The following PCDHA4 variants were observed in gnomAD, a reference collection of about 807,000 sequenced individuals.
The protein encoded by PCDHA4 is protocadherin alpha 4, also known as protocadherin alpha-4.
In PCDHA4, 49 loss-of-function variants were observed where a neutral mutation model predicts 61.4. The observed-to-expected ratio is 0.80, with a 90% confidence interval of 0.63 to 1.01. The LOEUF (loss-of-function observed/expected upper bound fraction) is 1.01, where lower values mean the gene tolerates loss of function less well. Among genes scored for constraint, PCDHA4 ranks in the 50% least tolerant of loss-of-function variants. The probability of loss-of-function intolerance (pLI) is 0.00; values close to 1 mark genes in which losing one functional copy is unlikely to be tolerated. For missense variants in PCDHA4, 1,254 were observed against 1,235.8 expected (o/e 1.01, Z -0.22); for synonymous variants, 590 against 550.3 (o/e 1.07, Z -1.01).
intron 1 of PCDHA4, chr5:140,856,054 T>G: frequency 6.3e-7 from 1 of 1,586,304 alleles, no homozygotes; most frequent in Non-Finnish European, 8.6e-7. Flanking sequence ...ATAAGATGGT[T>G]TCCAGATGTA....
At chr5:140,981,336 G>A (rs1332617891) in intron 2 of PCDHA4, among the ~76,000 whole-genome samples, 1 of 152,188 alleles carries the variant, frequency 6.6e-6, no homozygotes, top group Non-Finnish European at 1.5e-5. Context: ...CACTTTGGGA[G>A]GGTGAGGCAG....
intron 3 of PCDHA4, chr5:140,988,853 A>G (rs1216953693): frequency 1.3e-5 from 2 of 152,208 alleles, no homozygotes; most frequent in Non-Finnish European, 2.9e-5. Flanking sequence ...AAACCTATCC[A>G]GTCTCATGTG....
chr5:140,919,231 C>T (rs984376374), intron 1 of PCDHA4, among the ~76,000 whole-genome samples: 1 of 152,160 alleles, frequency 6.6e-6, no homozygotes, highest in Admixed American at 6.6e-5. Context: ...TCTAGTAACA[C>T]TTTTTGTCTT....
At chr5:140,930,527 A>G (rs73793525) in intron 1 of PCDHA4, 1 of 152,462 alleles carries the variant, frequency 6.6e-6, no homozygotes, top group Non-Finnish European at 1.5e-5. Context: ...CTGGCCCTCA[A>G]ACTTCTTGAG....
At chr5:140,882,365 T>C (rs141224516) in intron 1 of PCDHA4, 1 of 1,614,208 alleles carries the variant, frequency 6.2e-7, no homozygotes, top group Non-Finnish European at 8.5e-7. Context: ...CCAGCTCCAC[T>C]ACTCCGTCCC....
At position 140,967,061 on chromosome 5, in the gene PCDHA4, C is replaced by G. The variant is rs1554229125; in HGVS notation, c.2386-11888C>G. The G allele has an allele frequency of 1.9e-6, 3 of 1,612,886 alleles. No individual in the cohort carries two copies. The Admixed American group carries it at 5.0e-5, about 27-fold the overall frequency. On this transcript the variant is annotated intron_variant, in intron 1 of 3. Coordinates refer to ENST00000530339, the MANE Select transcript of PCDHA4 (RefSeq NM_018907.4). ...GGAGCTGGACCTGACGAGTGGAGCG[C>G]TCTTCGTCAACGAGCGCATTGATCG...
chr5:140,966,694 C>T, intron 1 of PCDHA4: 1 of 1,358,670 alleles, frequency 7.4e-7, no homozygotes, highest in Non-Finnish European at 9.5e-7. Context: ...GAGGCGGGGC[C>T]CGGGCGTGGG....
chr5:140,926,548 A>C, intron 1 of PCDHA4: 1 of 226,392 alleles, frequency 4.4e-6, no homozygotes, highest in Non-Finnish European at 8.5e-6. Flanking sequence ...GGTGGTCGAG[A>C]CCCCAGCCCG....
chr5:140,821,991 C>A (rs782271106), intron 1 of PCDHA4: 2 of 1,614,008 alleles, frequency 1.2e-6, no homozygotes, highest in Non-Finnish European at 1.7e-6. Context: ...GCCGCGGGGA[C>A]CTTCTGGAGG....
chr5:140,847,280 A>T (rs2150398686), intron 1 of PCDHA4, among the ~76,000 whole-genome samples: 1 of 149,896 alleles, frequency 6.7e-6, no homozygotes, highest in Non-Finnish European at 1.5e-5. Context: ...TTGAACGGGA[A>T]GACAAACTCA....
intron 1 of PCDHA4, among the ~76,000 whole-genome samples, chr5:140,912,634 G>A (rs1435924500): frequency 6.6e-6 from 1 of 152,016 alleles, no homozygotes; most frequent in African/African-American, 2.4e-5. Context: ...GAGACTTTCA[G>A]TACTATGTTG....
At chr5:140,838,166 T>C (rs1354444358) in intron 1 of PCDHA4, among the ~76,000 whole-genome samples, 1 of 147,660 alleles carries the variant, frequency 6.8e-6, no homozygotes, top group African/African-American at 2.5e-5. Context: ...CTCTCTGGAG[T>C]GCAGTGGTGC....
rs2150210782 is a variant in PCDHA4, at chr5:140,833,751, A to AACAC, written c.2385+24192_2385+24195dup. Among the ~76,000 whole-genome samples the AACAC allele has an allele frequency of 5.0e-4, 75 of 151,354 alleles. 1 individual carries two copies. Among genetic ancestry groups the AACAC allele is most frequent in the Middle Eastern group, 3.4e-3 (1 of 294 alleles). ...AATGTTTCTTGCCTCCTAAAAAGAA[A>AACAC]ACACACACACACACACCGCTTTCTA... On this transcript the variant is annotated intron_variant, in intron 1 of 3. Coordinates refer to ENST00000530339, the MANE Select transcript of PCDHA4 (RefSeq NM_018907.4).
intron 1 of PCDHA4, chr5:140,824,450 T>C (rs1768125809): frequency 2.2e-6 from 1 of 452,052 alleles, no homozygotes; most frequent in African/African-American, 2.0e-5. Context: ...TATGACTACA[T>C]GAAAATTTAT....
intron 1 of PCDHA4, chr5:140,927,988 G>A (rs782075633): frequency 6.2e-6 from 10 of 1,614,200 alleles, no homozygotes; most frequent in South Asian, 1.1e-5. Flanking sequence ...TAGTGTAAAG[G>A]ATGAAGACCT....
chr5:140,808,377 T>C lies in PCDHA4; in HGVS notation c.1190T>C (p.Leu397Pro). Reference sequence around the variant, plus strand: ...TTGACGTCCCACGTCCCCTTCAAGCTGGTGTCCACCTTCAAGAATTACTAC... The same window carrying C: ...TTGACGTCCCACGTCCCCTTCAAGCCGGTGTCCACCTTCAAGAATTACTAC... Reference protein sequence around the residue: ...CSLTSHVPFKLVSTFKNYYSL... With the variant: ...CSLTSHVPFKPVSTFKNYYSL... Residue 397 changes from leucine to proline, a missense_variant, in exon 1 of 4, where the codon CTG becomes CCG. Transcript: ENST00000530339. 1 of 1,614,180 alleles carries C rather than the reference T, an allele frequency of 6.2e-7. No homozygotes were observed. Among genetic ancestry groups the C allele is most frequent in the Non-Finnish European group, 8.5e-7 (1 of 1,180,048 alleles).
At chr5:140,895,677 G>T (rs1554186594) in intron 1 of PCDHA4, among the ~76,000 whole-genome samples, 2 of 151,984 alleles carry the variant, frequency 1.3e-5, no homozygotes, top group African/African-American at 4.8e-5. Flanking sequence ...GTAGTATTTG[G>T]TTTTCTGTTT....
intron 1 of PCDHA4, chr5:140,927,032 C>T: frequency 6.2e-7 from 1 of 1,612,120 alleles, no homozygotes; most frequent in Non-Finnish European, 8.5e-7. Context: ...AGGCTGCCAG[C>T]GGCCGCTATG....
chr5:140,871,657 T>A, intron 1 of PCDHA4: 1 of 1,228,196 alleles, frequency 8.1e-7, no homozygotes, highest in Non-Finnish European at 1.1e-6. Context: ...ATGATACACA[T>A]CTTCAGTCTT....
Sources: gnomAD v4.1 joint callset for allele counts (sites outside exome capture counted in the v4.1 genomes callset) on GRCh38, gnomAD v4.1.1 for gene constraint, MANE v1.5 for transcripts, NCBI Gene and HGNC (gene_info 2026-07-23, HGNC 2026-07-21) for gene names.